Variants in SPOCK3 observed in about 807,000 individuals in gnomAD.
The protein encoded by SPOCK3 is SPARC (osteonectin), cwcv and kazal like domains proteoglycan 3.
SPOCK3 carries 30 observed loss-of-function variants against 56.6 expected under a neutral mutation model. The ratio of observed to expected loss-of-function variants is 0.53; its 90% confidence interval spans 0.40 to 0.72. The LOEUF (loss-of-function observed/expected upper bound fraction) is 0.72, where lower values mean the gene tolerates loss of function less well. SPOCK3 is among the 30% of genes least tolerant of loss of function. The probability of loss-of-function intolerance (pLI) is 0.00; values close to 1 mark genes in which losing one functional copy is unlikely to be tolerated. For missense variants in SPOCK3, 527 were observed against 530.0 expected, an observed-to-expected ratio of 0.99 and a Z score of 0.06; for synonymous variants, 196 against 183.3, an observed-to-expected ratio of 1.07 and a Z score of -0.56.
At chr4:166,917,199 T>A (rs148323325) in intron 4 of SPOCK3, among the ~76,000 whole-genome samples, 1 of 152,190 alleles carries the variant, frequency 6.6e-6, no homozygotes, top group East Asian at 1.9e-4. Flanking sequence ...TAAAAATAAA[T>A]GGTATAACAC....
chr4:166,966,803 G>T (rs993745519), intron 4 of SPOCK3, among the ~76,000 whole-genome samples: 1 of 152,078 alleles, frequency 6.6e-6, no homozygotes, highest in African/African-American at 2.4e-5. Flanking sequence ...TGACCCTCTA[G>T]CAGAGTCTTG....
chr4:166,889,314 A>G (rs984714397), intron 5 of SPOCK3, 70 bp from the exon 6 acceptor site: 3 of 996,078 alleles, frequency 3.0e-6, no homozygotes, highest in Non-Finnish European at 3.1e-6. Context: ...AGAAATTTTT[A>G]GAAAGAAAGG....
chr4:166,983,883 T>C (rs940479184), intron 4 of SPOCK3, among the ~76,000 whole-genome samples: 4 of 152,036 alleles, frequency 2.6e-5, no homozygotes, highest in Non-Finnish European at 5.9e-5. Flanking sequence ...GTCTTACAGA[T>C]AGTAGGTACT....
At chr4:167,013,552 CATAAA>C (rs1191105572) in intron 3 of SPOCK3, among the ~76,000 whole-genome samples, 5 of 150,938 alleles carry the variant, frequency 3.3e-5, no homozygotes, top group African/African-American at 1.2e-4. Context: ...AAAATATTAT[CATAAA>C]ATATTTTTAC....
intron 4 of SPOCK3, among the ~76,000 whole-genome samples, chr4:166,915,499 T>G (rs1737747878): frequency 6.6e-6 from 1 of 152,194 alleles, no homozygotes; most frequent in Non-Finnish European, 1.5e-5. Flanking sequence ...GTATGATATA[T>G]AATATGTAAA....
chr4:167,087,403 G>A (rs1007089522), intron 2 of SPOCK3, among the ~76,000 whole-genome samples: 6 of 152,062 alleles, frequency 3.9e-5, no homozygotes, highest in East Asian at 3.9e-4. Context: ...AATACAGAAC[G>A]CAATTATTCT....
chr4:167,120,246 T>C (rs1245031552), intron 2 of SPOCK3, among the ~76,000 whole-genome samples: 2 of 152,064 alleles, frequency 1.3e-5, no homozygotes, highest in Non-Finnish European at 2.9e-5. Context: ...TTTAAAAACA[T>C]TGTGTTTCAA....
At chr4:167,108,154 A>G (rs1760332552) in intron 2 of SPOCK3, among the ~76,000 whole-genome samples, 1 of 151,926 alleles carries the variant, frequency 6.6e-6, no homozygotes, top group Admixed American at 6.6e-5. Flanking sequence ...ATAGGTAATA[A>G]CAAATGCTGG....
chr4:167,059,222 A>G (rs2150239165), intron 3 of SPOCK3, among the ~76,000 whole-genome samples: 1 of 152,216 alleles, frequency 6.6e-6, no homozygotes, highest in East Asian at 1.9e-4. Context: ...GCAACCTACA[A>G]AATGGGAGAA....
chr4:166,927,639 A>C (rs1739267249), intron 4 of SPOCK3, among the ~76,000 whole-genome samples: 1 of 152,220 alleles, frequency 6.6e-6, no homozygotes, highest in Admixed American at 6.5e-5. Flanking sequence ...AATTTAACAT[A>C]GAAGAAAATC....
chr4:166,944,358 G>T (rs1008045751), intron 4 of SPOCK3, among the ~76,000 whole-genome samples: 1 of 151,982 alleles, frequency 6.6e-6, no homozygotes, highest in African/African-American at 2.4e-5. Flanking sequence ...GCAACCATAT[G>T]AATGAGGACA....
intron 4 of SPOCK3, among the ~76,000 whole-genome samples, chr4:166,946,148 A>T (rs1320529199): frequency 6.6e-6 from 1 of 152,058 alleles, no homozygotes; most frequent in African/African-American, 2.4e-5. Context: ...TTGCTCATAA[A>T]AATGTCCCAG....
chr4:166,904,537 G>T (rs533244177), intron 5 of SPOCK3, among the ~76,000 whole-genome samples: 3 of 152,148 alleles, frequency 2.0e-5, no homozygotes, highest in Non-Finnish European at 2.9e-5. Context: ...TAGTAACATA[G>T]TAAGGATGGC....
chr4:167,119,460 TA>T (rs1761691739), intron 2 of SPOCK3, among the ~76,000 whole-genome samples: 1 of 152,146 alleles, frequency 6.6e-6, no homozygotes, highest in Non-Finnish European at 1.5e-5. Flanking sequence ...TAATATCCCT[TA>T]AAAATAAGTT....
intron 3 of SPOCK3, among the ~76,000 whole-genome samples, chr4:167,015,014 A>C (rs1314757118): frequency 6.6e-6 from 1 of 152,004 alleles, no homozygotes; most frequent in Non-Finnish European, 1.5e-5. Flanking sequence ...AAGCCTTTTA[A>C]ATCAACTATT....
intron 6 of SPOCK3, among the ~76,000 whole-genome samples, chr4:166,863,585 G>A (rs1731467192): frequency 6.6e-6 from 1 of 152,034 alleles, no homozygotes; most frequent in Admixed American, 6.6e-5. Context: ...ATAAAGTGAT[G>A]GAGGAATATT....
intron 4 of SPOCK3, among the ~76,000 whole-genome samples, chr4:166,960,873 A>G (rs7659319): frequency 0.022 from 3,287 of 152,294 alleles, 135 homozygotes; most frequent in African/African-American, 0.075. Context: ...GTTGGAATGA[A>G]GTGGGATACG....
Position 166,754,851 on chromosome 4 carries a change from G to A in SPOCK3, c.710-122C>T, listed in dbSNP as rs1337154860. The A allele has an allele frequency of 2.4e-5, 19 of 799,162 alleles. No individual in the cohort carries two copies. In the South Asian group the frequency reaches 3.3e-4, roughly 14 times the overall value. The allele number at this position is 799,162 out of a possible 1,614,324, so 49.5% of individuals were successfully genotyped here. On this transcript the variant is annotated intron_variant, in intron 7 of 10. Coordinates refer to ENST00000357545, the MANE Select transcript of SPOCK3 (RefSeq NM_001040159.2). ...TCTAATGAATAGTTAGAGAAGTAGAGCATTAAATTCATCATGAGTAGTTTG... is the reference window on the plus strand; with the variant it reads ...TCTAATGAATAGTTAGAGAAGTAGAACATTAAATTCATCATGAGTAGTTTG...
Position 167,083,558 on chromosome 4 carries a change from C to T in SPOCK3, c.190-21021G>A, listed in dbSNP as rs185188809. The stretch of plus-strand genomic sequence containing the variant: ...GACAACTAAGTATGACCTTTCATTT[C>T]AGGTTCATTTTATACTTACTTTCAG... On this transcript the variant is annotated intron_variant, in intron 2 of 10. Coordinates refer to ENST00000357545, the MANE Select transcript of SPOCK3 (RefSeq NM_001040159.2). Among the ~76,000 whole-genome samples the T allele has an allele frequency of 7.8e-4, 118 of 152,192 alleles. 1 individual carries two copies. Among genetic ancestry groups the T allele is most frequent in the Middle Eastern group, 3.4e-3 (1 of 294 alleles).
Sources: allele counts gnomAD v4.1 joint callset (sites outside exome capture counted in the v4.1 genomes callset), GRCh38; gene constraint gnomAD v4.1.1; transcripts MANE v1.5; gene names NCBI Gene and HGNC (gene_info 2026-07-23, HGNC 2026-07-21).